Variants in GALNT7 observed in about 807,000 individuals in gnomAD.
The protein encoded by GALNT7 is polypeptide N-acetylgalactosaminyltransferase 7, also known as N-acetylgalactosaminyltransferase 7.
Under a neutral mutation model 82.1 loss-of-function variants are expected in GALNT7, and 60 were observed. The ratio of observed to expected loss-of-function variants is 0.73; its 90% CI spans 0.59 to 0.91. GALNT7 has a LOEUF of 0.91. Ranked by LOEUF, GALNT7 falls within the 40% of genes least tolerant of loss-of-function variation. The probability of loss-of-function intolerance (pLI) is 0.00; values close to 1 mark genes in which losing one functional copy is unlikely to be tolerated. For synonymous variants in GALNT7, 243 were observed against 275.1 expected, an observed-to-expected ratio of 0.88 and a Z score of 1.15; for missense variants, 660 against 804.2, an observed-to-expected ratio of 0.82 and a Z score of 2.17.
chr4:173,308,394 C>G lies in GALNT7; in HGVS notation c.1389+4276C>G, dbSNP rs575842041. The stretch of plus-strand genomic sequence containing the variant: ...AGGGAAATAGTTGAAGGGAAAAATA[C>G]TAGCTTCTGTTATTCACACATGAGT... On this transcript the variant is annotated intron_variant, in intron 8 of 11. Coordinates refer to ENST00000265000, the MANE Select transcript of GALNT7 (RefSeq NM_017423.3). Among the ~76,000 whole-genome samples the G allele has an allele frequency of 4.0e-5, 6 of 151,668 alleles. 1 individual carries two copies. The highest frequency in any genetic ancestry group is 8.8e-5 in the Non-Finnish European group (6 of 67,902).
chr4:173,223,413 A>G (rs1463767799), intron 1 of GALNT7, among the ~76,000 whole-genome samples: 1 of 152,176 alleles, frequency 6.6e-6, no homozygotes, highest in African/African-American at 2.4e-5. Context: ...TTTCACTTTG[A>G]TCTAAGAGAA....
chr4:173,295,040 A>G (rs1174467664), intron 3 of GALNT7, among the ~76,000 whole-genome samples: 1 of 152,166 alleles, frequency 6.6e-6, no homozygotes. Context: ...AACCCTAACC[A>G]TTGCTTCTGT....
chr4:173,300,774 T>A (rs1163372353), intron 6 of GALNT7, among the ~76,000 whole-genome samples: 1 of 151,726 alleles, frequency 6.6e-6, no homozygotes, highest in Non-Finnish European at 1.5e-5. Context: ...TATTGGAAAG[T>A]CCAAGCAGTG....
intron 2 of GALNT7, among the ~76,000 whole-genome samples, chr4:173,256,554 C>A (rs1417403266): frequency 6.6e-6 from 1 of 151,250 alleles, no homozygotes; most frequent in African/African-American, 2.4e-5. Flanking sequence ...TCCCTCCCTC[C>A]CTCCCTTCCT....
chr4:173,311,325 A>G (rs1008080087), intron 8 of GALNT7, among the ~76,000 whole-genome samples: 3 of 152,162 alleles, frequency 2.0e-5, no homozygotes, highest in Non-Finnish European at 4.4e-5. Flanking sequence ...CTAATTTCGT[A>G]TGGATTTGCA....
intron 1 of GALNT7, among the ~76,000 whole-genome samples, chr4:173,222,184 A>G (rs77189216): frequency 0.01 from 1,578 of 152,314 alleles, 26 homozygotes; most frequent in East Asian, 0.056. Context: ...TTTGTTGCAC[A>G]GTGATGATCT....
In GALNT7 at chr4:173,200,475, T is replaced by C. The variant is rs1732911495; in HGVS notation, c.126+31514T>C. ...TAAAAAAAAAAAAGAATATCTCGCT[T>C]TACATATCATTTTATTCTGGGGAAG... On this transcript the variant is annotated intron_variant, in intron 1 of 11. Coordinates refer to ENST00000265000, the MANE Select transcript of GALNT7 (RefSeq NM_017423.3). Among the ~76,000 whole-genome samples, 3 of 152,220 alleles carry C rather than the reference T, an allele frequency of 2.0e-5. No homozygotes were observed. In the South Asian group the frequency reaches 6.2e-4, roughly 31 times the overall value.
At chr4:173,257,785 C>T (rs1007671382) in intron 2 of GALNT7, among the ~76,000 whole-genome samples, 3 of 152,084 alleles carry the variant, frequency 2.0e-5, no homozygotes, top group Admixed American at 6.5e-5. Context: ...GCCCAGTGAG[C>T]GAACTAAAAC....
intron 1 of GALNT7, among the ~76,000 whole-genome samples, chr4:173,176,346 C>T (rs1367000689): frequency 1.3e-5 from 2 of 152,104 alleles, no homozygotes; most frequent in Non-Finnish European, 2.9e-5. Flanking sequence ...AGTCAGGACT[C>T]AGATGATGGG....
At chr4:173,293,173 A>G (rs1214065425) in intron 3 of GALNT7, among the ~76,000 whole-genome samples, 1 of 152,200 alleles carries the variant, frequency 6.6e-6, no homozygotes, top group Non-Finnish European at 1.5e-5. Flanking sequence ...CATATCCTAA[A>G]AAAAGTGAAG....
chr4:173,184,694 A>T lies in GALNT7; in HGVS notation c.126+15733A>T, dbSNP rs961035689. 3.3e-5 allele frequency among the ~76,000 whole-genome samples: 5 copies of T among 152,106 alleles called. 1 individual carries two copies. The highest frequency in any genetic ancestry group is 3.3e-4 in the Admixed American group (5 of 15,268). The stretch of plus-strand genomic sequence containing the variant: ...AAATTGCCTTATATATGCAGTGATG[A>T]AAATCAAATCAAATTTAAATTACTA... On this transcript the variant is annotated intron_variant, in intron 1 of 11. Transcript: ENST00000265000.
chr4:173,313,405 C>T (rs895627017), intron 8 of GALNT7, among the ~76,000 whole-genome samples: 19 of 150,948 alleles, frequency 1.3e-4, no homozygotes, highest in African/African-American at 4.6e-4. Context: ...TCCATCTACA[C>T]AAAAAAATAA....
intron 1 of GALNT7, among the ~76,000 whole-genome samples, chr4:173,215,424 G>T (rs753603506): frequency 1.8e-4 from 27 of 151,964 alleles, no homozygotes; most frequent in Admixed American, 3.3e-4. Flanking sequence ...AGAGACGGGG[G>T]TTCACCATGT....
chr4:173,183,842 C>G (rs1023731485), intron 1 of GALNT7, among the ~76,000 whole-genome samples: 1 of 150,570 alleles, frequency 6.6e-6, no homozygotes, highest in African/African-American at 2.5e-5. Context: ...ACCTCCCAGA[C>G]GGGGCGGCTG....
In GALNT7 at chr4:173,292,316, A is replaced by T; in HGVS notation, c.754+42A>T. The T allele has an allele frequency of 8.1e-7, 1 of 1,237,878 alleles. No homozygotes were observed. Among genetic ancestry groups the T allele is most frequent in the South Asian group, 1.4e-5 (1 of 70,156 alleles). The allele number at this position is 1,237,878 out of a possible 1,614,324, so 76.7% of individuals were successfully genotyped here. On this transcript the variant is annotated intron_variant, in intron 3 of 11. Coordinates refer to ENST00000265000, the MANE Select transcript of GALNT7 (RefSeq NM_017423.3). This position sits in a 1 kb window ranked among gnomAD's most constrained non-coding sequence, Gnocchi z 4.8. ...TCACATTTTGTCTATAAAATAAGTT[A>T]AGCATGAATAATTGCAAAAAGGTGA...
intron 1 of GALNT7, among the ~76,000 whole-genome samples, chr4:173,184,492 G>C (rs1732403959): frequency 6.6e-6 from 1 of 151,794 alleles, no homozygotes; most frequent in African/African-American, 2.4e-5. Flanking sequence ...CAGGCACTCG[G>C]CAGGCTGAGG....
intron 1 of GALNT7, among the ~76,000 whole-genome samples, chr4:173,174,270 C>T (rs1041978592): frequency 6.6e-6 from 1 of 151,984 alleles, no homozygotes; most frequent in African/African-American, 2.4e-5. Context: ...ACATTTTTTT[C>T]TAGGTTGATA....
At chr4:173,184,382 C>T (rs1045730271) in intron 1 of GALNT7, among the ~76,000 whole-genome samples, 3 of 152,072 alleles carry the variant, frequency 2.0e-5, no homozygotes, top group Admixed American at 6.6e-5. Context: ...AGATCACTCG[C>T]GGTCAGGAGC....
rs1356290205 is a variant in GALNT7, at chr4:173,292,320, A to G, written c.754+46A>G. On this transcript the variant is annotated intron_variant, in intron 3 of 11. Transcript: ENST00000265000. This position sits in a 1 kb window ranked among gnomAD's most constrained non-coding sequence, Gnocchi z 4.8. ...ATTTTGTCTATAAAATAAGTTAAGCATGAATAATTGCAAAAAGGTGATTTC... is the reference window on the plus strand; with the variant it reads ...ATTTTGTCTATAAAATAAGTTAAGCGTGAATAATTGCAAAAAGGTGATTTC... 4 of 1,211,348 alleles carry G rather than the reference A, an allele frequency of 3.3e-6. No homozygotes were observed. The highest frequency in any genetic ancestry group is 1.5e-5 in the African/African-American group (1 of 65,298). The allele number at this position is 1,211,348 out of a possible 1,614,324, so 75.0% of individuals were successfully genotyped here. A position where few individuals can be genotyped will look rare whatever the true frequency, so the allele number is the denominator to read the frequency against.
Sources: allele counts gnomAD v4.1 joint callset (sites outside exome capture counted in the v4.1 genomes callset), GRCh38; gene constraint gnomAD v4.1.1; non-coding constraint Gnocchi (gnomAD v3.1); transcripts MANE v1.5; gene names NCBI Gene and HGNC (gene_info 2026-07-23, HGNC 2026-07-21).